TTC29: variants seen among roughly 807,000 people sequenced by gnomAD.
The protein encoded by TTC29 is tetratricopeptide repeat domain 29.
TTC29 carries 49 observed loss-of-function variants against 58.1 expected under a neutral mutation model. The observed-to-expected ratio is 0.84, with a 90% CI of 0.67 to 1.07. The LOEUF (loss-of-function observed/expected upper bound fraction) is 1.07. Among genes scored for constraint, TTC29 ranks in the 50% least tolerant of loss-of-function variants. TTC29 has a pLI of 0.00. For missense variants in TTC29, 582 were observed against 555.6 expected (o/e 1.05, Z -0.48); for synonymous variants, 209 against 196.8 (o/e 1.06, Z -0.52).
intron 10 of TTC29, among the ~76,000 whole-genome samples, chr4:146,819,752 G>A (rs567299962): frequency 1.9e-4 from 29 of 152,268 alleles, no homozygotes; most frequent in Non-Finnish European, 3.7e-4. Flanking sequence ...AATTTGGAGC[G>A]AGAGAGATGA....
chr4:146,746,624 T>TTG (rs1421750455), intron 11 of TTC29, among the ~76,000 whole-genome samples: 3 of 152,230 alleles, frequency 2.0e-5, no homozygotes, highest in Non-Finnish European at 4.4e-5. Context: ...GCAATTTTTA[T>TTG]TGTGTGTGTG....
At chr4:146,794,553 T>C (rs1749697656) in intron 11 of TTC29, among the ~76,000 whole-genome samples, 1 of 151,994 alleles carries the variant, frequency 6.6e-6, no homozygotes, top group African/African-American at 2.4e-5. Flanking sequence ...TTTCCCAAGT[T>C]TTCTCACCCT....
rs1213218652 is a variant in TTC29 at position 146,910,718 on chromosome 4, C to T, written c.177-1469G>A. Among the ~76,000 whole-genome samples, 3 of 152,092 alleles carry T rather than the reference C, an allele frequency of 2.0e-5. No homozygotes were observed. In the East Asian group the frequency reaches 5.8e-4, roughly 29 times the overall value. ...TGTCCCAGCTGAACCGCAACCTTCC[C>T]CTATATGGCAGTCAGGTTGTTACAG... is the stretch of plus-strand genomic sequence containing the variant. On this transcript the variant is annotated intron_variant, in intron 4 of 12. Coordinates refer to ENST00000325106, the MANE Select transcript of TTC29 (RefSeq NM_031956.4).
At chr4:146,929,931 T>C (rs955498721) in intron 4 of TTC29, among the ~76,000 whole-genome samples, 6 of 151,652 alleles carry the variant, frequency 4.0e-5, no homozygotes, top group South Asian at 4.2e-4. Flanking sequence ...GATTTTTATA[T>C]AGTGGTATGT....
intron 6 of TTC29, among the ~76,000 whole-genome samples, chr4:146,901,043 G>T (rs1332232920): frequency 6.6e-6 from 1 of 151,946 alleles, no homozygotes; most frequent in East Asian, 1.9e-4. Flanking sequence ...CTTTTGGTGG[G>T]GGGGTCAGTA....
At chr4:146,861,153 C>T (rs949430315) in intron 8 of TTC29, among the ~76,000 whole-genome samples, 6 of 152,088 alleles carry the variant, frequency 3.9e-5, no homozygotes, top group African/African-American at 1.2e-4. Flanking sequence ...AAAGGAAATT[C>T]ATACATAAAA....
chr4:146,868,856 A>T (rs1431899191), intron 7 of TTC29, among the ~76,000 whole-genome samples: 1 of 151,990 alleles, frequency 6.6e-6, no homozygotes, highest in Non-Finnish European at 1.5e-5. Flanking sequence ...GGTGTCTGTC[A>T]TGGGGGCAGA....
At chr4:146,725,642 A>G (rs1036592009) in intron 11 of TTC29, among the ~76,000 whole-genome samples, 1 of 152,196 alleles carries the variant, frequency 6.6e-6, no homozygotes, top group African/African-American at 2.4e-5. Flanking sequence ...AGCCTATTTT[A>G]TATCTATCTG....
Position 146,874,715 on chromosome 4 carries a change from C to T in TTC29, c.799+1G>A. 6.3e-7 allele frequency: 1 copy of T among 1,596,040 alleles called. No homozygotes were observed. The highest frequency in any genetic ancestry group is 8.5e-7 in the Non-Finnish European group (1 of 1,170,924). ...ATGTGAGAGAGTTCTTTTCCACCCACCTTCTTTGGCTATTTCAGAAGCTTT... is the reference window on the plus strand; with the variant it reads ...ATGTGAGAGAGTTCTTTTCCACCCATCTTCTTTGGCTATTTCAGAAGCTTT... On this transcript the variant is annotated splice_donor_variant, in intron 7 of 12. Transcript: ENST00000325106. LOFTEE classifies it high-confidence loss of function.
chr4:146,709,204 A>G (rs1742306047), intron 11 of TTC29, among the ~76,000 whole-genome samples: 1 of 152,148 alleles, frequency 6.6e-6, no homozygotes, highest in South Asian at 2.1e-4. Flanking sequence ...TGTCCTTTAC[A>G]TTACCACAGC....
chr4:146,788,117 A>C (rs939075578), intron 11 of TTC29, among the ~76,000 whole-genome samples: 3 of 152,220 alleles, frequency 2.0e-5, no homozygotes, highest in African/African-American at 7.2e-5. Context: ...ATTAGCTAGG[A>C]CTGCACAGCC....
intron 7 of TTC29, among the ~76,000 whole-genome samples, chr4:146,869,538 G>A (rs1561205100): frequency 6.6e-6 from 1 of 152,110 alleles, no homozygotes; most frequent in Non-Finnish European, 1.5e-5. Flanking sequence ...CTAGTGAAGG[G>A]AAAAACAGAA....
Position 146,735,022 on chromosome 4 carries a change from T to C in TTC29, c.1331-27471A>G, listed in dbSNP as rs148129760. Among the ~76,000 whole-genome samples the C allele has an allele frequency of 4.7e-3, 719 of 152,126 alleles. 5 individuals carry two copies. Among genetic ancestry groups the C allele is most frequent in the Middle Eastern group, 0.027 (8 of 294 alleles). ...TTGGTTCACTGGATGCATAAGGAAA[T>C]GCAAACTAATAAGAAAAAAGCAAAA... On this transcript the variant is annotated intron_variant, in intron 11 of 12. Coordinates refer to ENST00000325106, the MANE Select transcript of TTC29 (RefSeq NM_031956.4).
chr4:146,773,002 T>C (rs1171200224), intron 11 of TTC29, among the ~76,000 whole-genome samples: 1 of 152,122 alleles, frequency 6.6e-6, no homozygotes, highest in East Asian at 1.9e-4. Context: ...GACTGCTTTA[T>C]TGATTTGACT....
rs145874132 is a variant in TTC29, at chr4:146,781,639, G to A, written c.1330+21818C>T. Among the ~76,000 whole-genome samples the A allele has an allele frequency of 4.1e-3, 616 of 151,978 alleles. 3 individuals are homozygous for A. The highest frequency in any genetic ancestry group is 7.0e-3 in the Non-Finnish European group (478 of 67,832). On this transcript the variant is annotated intron_variant, in intron 11 of 12. Transcript: ENST00000325106. ...ATAAAACCAACTCACTATATGTTGA[G>A]GTCAGTAGAACTTCATTACAAGTAA...
intron 11 of TTC29, among the ~76,000 whole-genome samples, chr4:146,783,357 A>G (rs986575160): frequency 1.3e-5 from 2 of 150,978 alleles, no homozygotes; most frequent in Non-Finnish European, 3.0e-5. Flanking sequence ...TTTTTTATGA[A>G]TGAAAACTTA....
intron 8 of TTC29, among the ~76,000 whole-genome samples, chr4:146,864,026 A>T (rs1215674818): frequency 2.6e-5 from 4 of 152,164 alleles, no homozygotes; most frequent in African/African-American, 9.7e-5. Flanking sequence ...CTATCTGGGC[A>T]TCCCATGACC....
At chr4:146,790,995 T>C (rs1749408705) in intron 11 of TTC29, among the ~76,000 whole-genome samples, 1 of 152,234 alleles carries the variant, frequency 6.6e-6, no homozygotes, top group Non-Finnish European at 1.5e-5. Flanking sequence ...CTACTTCTTT[T>C]GTATCCCTGT....
chr4:146,915,258 C>T (rs993796779), intron 4 of TTC29, among the ~76,000 whole-genome samples: 4 of 152,088 alleles, frequency 2.6e-5, no homozygotes, highest in Non-Finnish European at 5.9e-5. Flanking sequence ...GCTTTTTCTT[C>T]TTCTCCTCCT....
Sources: allele counts gnomAD v4.1 joint callset (sites outside exome capture counted in the v4.1 genomes callset), GRCh38; gene constraint gnomAD v4.1.1; transcripts MANE v1.5; gene names NCBI Gene and HGNC (gene_info 2026-07-23, HGNC 2026-07-21).